The following RNF19A variants were observed in gnomAD, a reference collection of about 807,000 sequenced individuals.
RNF19A encodes ring finger protein 19A, RBR E3 ubiquitin protein ligase, also known as E3 ubiquitin-protein ligase RNF19A.
A neutral mutation model predicts 75.7 loss-of-function variants in RNF19A; 32 were observed. That is an observed-to-expected ratio of 0.42 (90% CI 0.32 to 0.57). RNF19A has a LOEUF of 0.57. Among genes scored for constraint, RNF19A ranks in the 20% least tolerant of loss-of-function variants. The probability of loss-of-function intolerance (pLI) is 0.10; values close to 1 mark genes in which losing one functional copy is unlikely to be tolerated. For synonymous variants in RNF19A, 335 were observed against 345.2 expected, an observed-to-expected ratio of 0.97 and a Z score of 0.33; for missense variants, 782 against 1,036.3, an observed-to-expected ratio of 0.75 and a Z score of 3.37.
At position 100,275,999 on chromosome 8, in the gene RNF19A, A is replaced by C. The variant is rs1820490849; in HGVS notation, c.675-838T>G. Among the ~76,000 whole-genome samples the C allele has an allele frequency of 6.6e-6, 1 of 152,104 alleles. No homozygotes were observed. The highest frequency in any genetic ancestry group is 1.5e-5 in the Non-Finnish European group (1 of 68,016). On this transcript the variant is annotated intron_variant, in intron 2 of 9. Coordinates refer to ENST00000341084, the MANE Select transcript of RNF19A (RefSeq NM_183419.4). The surrounding 1 kb of genome is among the most constrained non-coding windows in gnomAD (Gnocchi z 4.3). Reference sequence around the variant, plus strand: ...TGTTTTTTTTTCCTTCGGATTAAAGACTGAGAACTGTAGATTCATGACTAG... The same window carrying C: ...TGTTTTTTTTTCCTTCGGATTAAAGCCTGAGAACTGTAGATTCATGACTAG...
upstream of RNF19A, chr8:100,312,516 T>C (rs769064442): frequency 6.6e-6 from 1 of 152,146 alleles, no homozygotes; most frequent in Non-Finnish European, 1.5e-5. Context: ...TCCATAGCCT[T>C]AGGAGGTCAA....
chr8:100,289,469 A>C (rs1821187180), intron 1 of RNF19A, among the ~76,000 whole-genome samples: 1 of 152,238 alleles, frequency 6.6e-6, no homozygotes, highest in African/African-American at 2.4e-5. Flanking sequence ...CTTACAAATC[A>C]ATAAGAAAAC....
intron 1 of RNF19A, among the ~76,000 whole-genome samples, chr8:100,302,542 G>A (rs1382719355): frequency 6.6e-6 from 1 of 152,178 alleles, no homozygotes; most frequent in Admixed American, 6.5e-5. Flanking sequence ...GACAAGCCCA[G>A]AGATTAGGAA....
At chr8:100,286,897 A>G (rs1821047675) in intron 2 of RNF19A, among the ~76,000 whole-genome samples, 1 of 152,214 alleles carries the variant, frequency 6.6e-6, no homozygotes, top group Non-Finnish European at 1.5e-5. Flanking sequence ...ATAATCAAAT[A>G]TATAAGCAAA....
chr8:100,304,018 G>A (rs1021788737), intron 1 of RNF19A, among the ~76,000 whole-genome samples: 22 of 152,034 alleles, frequency 1.4e-4, no homozygotes, highest in Admixed American at 9.8e-4. Context: ...GTGCAATGTC[G>A]CAATCTCGGC....
intron 3 of RNF19A, among the ~76,000 whole-genome samples, chr8:100,273,601 T>C (rs1457630468): frequency 6.6e-6 from 1 of 152,164 alleles, no homozygotes; most frequent in Non-Finnish European, 1.5e-5. Flanking sequence ...TTTTAAAAAA[T>C]AATAAAAGCC....
chr8:100,307,263 TAA>T (rs773650054), intron 1 of RNF19A, among the ~76,000 whole-genome samples: 1 of 152,198 alleles, frequency 6.6e-6, no homozygotes, highest in Non-Finnish European at 1.5e-5. Flanking sequence ...AGAGAAGATA[TAA>T]GTGAGCAATT....
Position 100,261,234 on chromosome 8 carries a change from A to G in RNF19A, c.1682+308T>C, listed in dbSNP as rs993657888. ...CTCAGCCTCCCGACCAGCTGGGACT[A>G]CAGGTGCATGCCACCAAATCCGGCT... is the stretch of plus-strand genomic sequence containing the variant. On this transcript the variant is annotated intron_variant, in intron 8 of 9. Coordinates refer to ENST00000341084, the MANE Select transcript of RNF19A (RefSeq NM_183419.4). This position sits in a 1 kb window ranked among gnomAD's most constrained non-coding sequence, Gnocchi z 4.4. 1.3e-5 allele frequency among the ~76,000 whole-genome samples: 2 copies of G among 152,028 alleles called. No homozygotes were observed. The highest frequency in any genetic ancestry group is 2.9e-5 in the Non-Finnish European group (2 of 67,992).
chr8:100,258,218 G>A lies in RNF19A; in HGVS notation c.*338C>T, dbSNP rs1819541596. On this transcript the variant is annotated 3_prime_UTR_variant, in exon 10 of 10. Transcript: ENST00000341084. The surrounding 1 kb of genome is among the most constrained non-coding windows in gnomAD (Gnocchi z 4.3). ...CTCAAGTTTTCTTCATTTGAATGCTGTAGAATTGCATTAGTATTTTATATT... is the reference window on the plus strand; with the variant it reads ...CTCAAGTTTTCTTCATTTGAATGCTATAGAATTGCATTAGTATTTTATATT... 3 of 415,360 alleles carry A rather than the reference G, an allele frequency of 7.2e-6. No individual in the cohort carries two copies. Among genetic ancestry groups the A allele is most frequent in the Non-Finnish European group, 1.3e-5 (3 of 236,684 alleles). The allele number at this position is 415,360 out of a possible 1,614,324, so 25.7% of individuals were successfully genotyped here.
Position 100,317,131 on chromosome 8 carries a change from C to A in RNF19A, c.-242-3759G>T, listed in dbSNP as rs548370180. Among the ~76,000 whole-genome samples, 3 of 152,368 alleles carry A rather than the reference C, an allele frequency of 2.0e-5. No homozygotes were observed. The highest frequency in any genetic ancestry group is 7.2e-5 in the African/African-American group (3 of 41,590). ...AACTCCAGCTGGCCCGCAAGCGCCG[C>A]ACGCAGCCCAGCCCGGGTTCCCGCT... On this transcript the variant is annotated intron_variant, in intron 1 of 3. Coordinates refer to the RNF19A transcript ENST00000519527. The surrounding 1 kb of genome is among the most constrained non-coding windows in gnomAD (Gnocchi z 4.3).
chr8:100,305,274 G>A (rs903216868), intron 1 of RNF19A, among the ~76,000 whole-genome samples: 1 of 152,200 alleles, frequency 6.6e-6, no homozygotes, highest in Admixed American at 6.5e-5. Flanking sequence ...AAAACTGAGA[G>A]AAGACAGGTA....
At chr8:100,302,882 G>A (rs916963610) in intron 1 of RNF19A, among the ~76,000 whole-genome samples, 4 of 152,154 alleles carry the variant, frequency 2.6e-5, no homozygotes, top group African/African-American at 7.2e-5. Flanking sequence ...GGAGAAGAAA[G>A]AAACGATACA....
chr8:100,313,242 G>C, upstream of RNF19A: 3 of 781,400 alleles, frequency 3.8e-6, no homozygotes, highest in Non-Finnish European at 4.7e-6. Context: ...GCTTACATTG[G>C]GGGATGAGGA....
In RNF19A at chr8:100,329,410, G is replaced by C. The variant is rs1433588932; in HGVS notation, c.-243+6698C>G. Among the ~76,000 whole-genome samples, 3 of 151,974 alleles carry C rather than the reference G, an allele frequency of 2.0e-5. No individual in the cohort carries two copies. The highest frequency in any genetic ancestry group is 4.4e-5 in the Non-Finnish European group (3 of 67,996). ...ATGTTCACAAGCTCAAAATGAGTGA[G>C]TTGTGATACAGTGCTGCAAAAACAA... On this transcript the variant is annotated intron_variant, in intron 1 of 3. Transcript: ENST00000519527. The surrounding 1 kb of genome is among the most constrained non-coding windows in gnomAD (Gnocchi z 4.3).
intron 5 of RNF19A, 28 bp downstream of exon 5, chr8:100,268,757 A>G (rs765280441): frequency 1.4e-6 from 2 of 1,456,264 alleles, no homozygotes; most frequent in Admixed American, 2.1e-5. Context: ...GAATAAGATA[A>G]TGGACTAACA....
At chr8:100,285,272 C>A (rs369971691) in intron 2 of RNF19A, among the ~76,000 whole-genome samples, 1 of 152,082 alleles carries the variant, frequency 6.6e-6, no homozygotes, top group Non-Finnish European at 1.5e-5. Context: ...ATTTATATAA[C>A]CTACACCTCT....
chr8:100,287,887 A>G lies in RNF19A; in HGVS notation c.288T>C (p.Ser96=), dbSNP rs1014111199. The G allele has an allele frequency of 9.9e-6, 16 of 1,614,074 alleles. No homozygotes were observed. The highest frequency in any genetic ancestry group is 1.3e-5 in the African/African-American group (1 of 74,938). The part of the protein sequence containing the change: ...GGVDGIASIE[S]IHSEMCTDKN... ...TATCAGTACACATTTCAGAATGTAT[A>G]CTTTCAATACTTGCAATTCCATCCA... The change falls in exon 2 of 10, where the codon AGT becomes AGC. Residue 96 remains serine (S), a synonymous_variant. Transcript: ENST00000341084. The surrounding 1 kb of genome is among the most constrained non-coding windows in gnomAD (Gnocchi z 4.1).
At chr8:100,279,857 G>A (rs1820701576) in intron 2 of RNF19A, among the ~76,000 whole-genome samples, 1 of 152,010 alleles carries the variant, frequency 6.6e-6, no homozygotes, top group Non-Finnish European at 1.5e-5. Context: ...TAGGGATGGG[G>A]TTTTGCCATG....
rs1586621984 is a variant in RNF19A at position 100,275,405 on chromosome 8, C to G, written c.675-244G>C. On this transcript the variant is annotated intron_variant, in intron 2 of 9. Coordinates refer to ENST00000341084, the MANE Select transcript of RNF19A (RefSeq NM_183419.4). The surrounding 1 kb of genome is among the most constrained non-coding windows in gnomAD (Gnocchi z 4.3). ...ACTTTCAGGGTTTTTTTTTTAGGTT[C>G]AGGGTTTTTTTTTTAGATTCAGGGG... 6.7e-6 allele frequency among the ~76,000 whole-genome samples: 1 copy of G among 149,522 alleles called. No individual in the cohort carries two copies. The highest frequency in any genetic ancestry group is 2.0e-4 in the East Asian group (1 of 5,104).
Sources: allele counts gnomAD v4.1 joint callset (sites outside exome capture counted in the v4.1 genomes callset), GRCh38; gene constraint gnomAD v4.1.1; non-coding constraint Gnocchi (gnomAD v3.1); transcripts MANE v1.5; gene names NCBI Gene and HGNC (gene_info 2026-07-23, HGNC 2026-07-21).